Variants in RBFOX1 observed in about 807,000 individuals in gnomAD.
RBFOX1 encodes RNA binding protein fox-1 homolog 1.
In RBFOX1, 8 loss-of-function variants were observed where a neutral mutation model predicts 57.7. That is an observed-to-expected ratio of 0.14 (90% CI 0.08 to 0.25). The LOEUF (loss-of-function observed/expected upper bound fraction) is 0.25, where lower values mean the gene tolerates loss of function less well. RBFOX1 is among the 10% of genes least tolerant of loss of function. The probability of loss-of-function intolerance (pLI) is 1.00; values close to 1 mark genes in which losing one functional copy is unlikely to be tolerated. For missense variants in RBFOX1, 611 were observed against 548.5 expected (o/e 1.11, Z -1.14); for synonymous variants, 326 against 222.4 (o/e 1.47, Z -4.15).
At chr16:7,666,075 T>A (rs961502485) in intron 13 of RBFOX1, among the ~76,000 whole-genome samples, 4 of 152,210 alleles carry the variant, frequency 2.6e-5, no homozygotes, top group Non-Finnish European at 5.9e-5. Flanking sequence ...TTTCTTCTTT[T>A]TTGTGGAACT....
chr16:5,457,532 C>T (rs1271579190), intron 1 of RBFOX1, among the ~76,000 whole-genome samples: 1 of 152,202 alleles, frequency 6.6e-6, no homozygotes, highest in East Asian at 1.9e-4. Flanking sequence ...AAGAGCATCA[C>T]ATTGAGGATT....
chr16:6,968,388 A>G (rs2153563598), intron 3 of RBFOX1, among the ~76,000 whole-genome samples: 1 of 152,182 alleles, frequency 6.6e-6, no homozygotes, highest in African/African-American at 2.4e-5. Flanking sequence ...TTCATCAGGC[A>G]TTTTAATACT....
intron 4 of RBFOX1, among the ~76,000 whole-genome samples, chr16:7,215,794 G>C (rs567699722): frequency 1.6e-4 from 24 of 146,310 alleles, no homozygotes; most frequent in African/African-American, 6.2e-4. Flanking sequence ...GCGTGATCTC[G>C]GCTCACTGCA....
At chr16:5,851,595 TC>T (rs2056898914) in intron 3 of RBFOX1, among the ~76,000 whole-genome samples, 1 of 152,188 alleles carries the variant, frequency 6.6e-6, no homozygotes, top group Non-Finnish European at 1.5e-5. Flanking sequence ...TTACCAAGTT[TC>T]TTCTCAATTT....
At chr16:6,982,742 C>G (rs903912548) in intron 3 of RBFOX1, among the ~76,000 whole-genome samples, 2 of 152,046 alleles carry the variant, frequency 1.3e-5, no homozygotes, top group African/African-American at 4.8e-5. Context: ...CCTGTAATCC[C>G]AACACTTTGG....
chr16:5,866,629 G>A (rs945040140), intron 3 of RBFOX1, among the ~76,000 whole-genome samples: 4 of 152,214 alleles, frequency 2.6e-5, no homozygotes, highest in African/African-American at 9.6e-5. Flanking sequence ...GTAGATAGGA[G>A]GCTGAACATC....
At chr16:7,371,292 CT>C (rs1042490155) in intron 4 of RBFOX1, among the ~76,000 whole-genome samples, 36 of 152,182 alleles carry the variant, frequency 2.4e-4, no homozygotes, top group Non-Finnish European at 1.5e-5. Flanking sequence ...AACCAGTAAA[CT>C]TTTTTTTCTG....
chr16:6,390,339 G>A (rs977583993), intron 2 of RBFOX1, among the ~76,000 whole-genome samples: 2 of 152,164 alleles, frequency 1.3e-5, no homozygotes, highest in Admixed American at 1.3e-4. Context: ...AACTTGAGTG[G>A]AGCTGTGGTG....
At chr16:6,278,003 G>C (rs1241674421) in intron 1 of RBFOX1, among the ~76,000 whole-genome samples, 1 of 152,096 alleles carries the variant, frequency 6.6e-6, no homozygotes, top group African/African-American at 2.4e-5. Context: ...GCTTCTCCTT[G>C]AGCTGAACGA....
At chr16:6,866,673 C>A (rs961153767) in intron 3 of RBFOX1, among the ~76,000 whole-genome samples, 6 of 151,072 alleles carry the variant, frequency 4.0e-5, no homozygotes, top group African/African-American at 1.2e-4. Flanking sequence ...TTCCGAGTAG[C>A]TGGGACTACA....
At chr16:5,733,306 C>T (rs187414187) in intron 3 of RBFOX1, among the ~76,000 whole-genome samples, 23 of 152,274 alleles carry the variant, frequency 1.5e-4, no homozygotes, top group African/African-American at 4.8e-5. Flanking sequence ...ACCTCGTAAA[C>T]GCTAGGCTGT....
rs565288975 is a variant in RBFOX1 at position 6,097,062 on chromosome 16, C to T, written c.-127+77070C>T. ...ATAACTGAATCATGGGGGTGGTTTC[C>T]CCCATACTGTTGTCATGGTGGTGAG... is the stretch of plus-strand genomic sequence containing the variant. On this transcript the variant is annotated intron_variant, in intron 1 of 15. Coordinates refer to ENST00000550418, the MANE Select transcript of RBFOX1 (RefSeq NM_018723.4). The surrounding 1 kb of genome is among the most constrained non-coding windows in gnomAD (Gnocchi z 5.0). Among the ~76,000 whole-genome samples, 22 of 152,108 alleles carry T rather than the reference C, an allele frequency of 1.4e-4. No homozygotes were observed. Among genetic ancestry groups the T allele is most frequent in the African/African-American group, 3.9e-4 (16 of 41,508 alleles).
intron 4 of RBFOX1, among the ~76,000 whole-genome samples, chr16:7,163,457 T>C (rs541457084): frequency 1.3e-5 from 2 of 152,242 alleles, no homozygotes; most frequent in South Asian, 4.1e-4. Flanking sequence ...AGTGGGTGAC[T>C]GACATCCTTC....
chr16:7,643,531 A>T (rs1015381370), intron 11 of RBFOX1, among the ~76,000 whole-genome samples: 1 of 152,192 alleles, frequency 6.6e-6, no homozygotes, highest in African/African-American at 2.4e-5. Flanking sequence ...TTTCTAGCTG[A>T]ATTTAGTTGT....
At chr16:5,678,020 G>C (rs2050217590) in intron 3 of RBFOX1, among the ~76,000 whole-genome samples, 1 of 152,208 alleles carries the variant, frequency 6.6e-6, no homozygotes, top group South Asian at 2.1e-4. Context: ...CAGCTGCTCA[G>C]CATCTGAACC....
chr16:6,420,158 C>T (rs565200993), intron 2 of RBFOX1, among the ~76,000 whole-genome samples: 2 of 152,188 alleles, frequency 1.3e-5, no homozygotes, highest in African/African-American at 4.8e-5. Context: ...CCTGCTTCAA[C>T]TCTGCAGTCG....
chr16:6,527,099 CTT>C (rs2096591454), intron 2 of RBFOX1, among the ~76,000 whole-genome samples: 1 of 152,004 alleles, frequency 6.6e-6, no homozygotes, highest in East Asian at 1.9e-4. Flanking sequence ...CATTGCCTTT[CTT>C]TTTAAATTAT....
intron 3 of RBFOX1, among the ~76,000 whole-genome samples, chr16:5,766,418 C>G (rs1021348967): frequency 1.3e-5 from 2 of 152,074 alleles, no homozygotes; most frequent in Non-Finnish European, 2.9e-5. Flanking sequence ...AACCTCGTCT[C>G]TACTAAAATG....
intron 4 of RBFOX1, among the ~76,000 whole-genome samples, chr16:7,149,972 A>T (rs1458783381): frequency 6.6e-6 from 1 of 151,954 alleles, no homozygotes; most frequent in East Asian, 1.9e-4. Context: ...TCAGACTTTT[A>T]TGTATGGTAT....
Sources: gnomAD v4.1 joint callset for allele counts (sites outside exome capture counted in the v4.1 genomes callset) on GRCh38, gnomAD v4.1.1 for gene constraint, Gnocchi (gnomAD v3.1) non-coding constraint, MANE v1.5 for transcripts, NCBI Gene and HGNC (gene_info 2026-07-23, HGNC 2026-07-21) for gene names.